Variants in GAS2 observed in about 807,000 individuals in gnomAD.
GAS2 encodes the protein growth arrest specific 2, also known as growth arrest-specific protein 2.
In GAS2, 20 loss-of-function variants were observed where a neutral mutation model predicts 37.5. The observed-to-expected ratio is 0.53, with a 90% CI of 0.37 to 0.77. The LOEUF is 0.77. GAS2 is among the 30% of genes least tolerant of loss of function. The pLI is 0.00. For synonymous variants in GAS2, 144 were observed against 132.2 expected, an observed-to-expected ratio of 1.09 and a Z score of -0.61; for missense variants, 336 against 373.4, an observed-to-expected ratio of 0.90 and a Z score of 0.82.
chr11:22,745,098 T>C (rs1421209710), intron 5 of GAS2, among the ~76,000 whole-genome samples: 2 of 124,128 alleles, frequency 1.6e-5, no homozygotes, highest in African/African-American at 5.7e-5. Context: ...GAAAAAAGTA[T>C]TCTAAAATTC....
At chr11:22,729,660 C>A (rs559543347) in intron 4 of GAS2, among the ~76,000 whole-genome samples, 7 of 149,610 alleles carry the variant, frequency 4.7e-5, no homozygotes, top group African/African-American at 1.7e-4. Context: ...TTATAAAAAT[C>A]CAATTAAGAT....
intron 7 of GAS2, among the ~76,000 whole-genome samples, chr11:22,769,816 A>C (rs770605224): frequency 6.6e-6 from 1 of 152,212 alleles, no homozygotes; most frequent in Non-Finnish European, 1.5e-5. Context: ...CATAAATTAC[A>C]TTTTTTAATT....
intron 3 of GAS2, chr11:22,702,108 G>C: frequency 6.6e-6 from 1 of 152,098 alleles, no homozygotes; most frequent in East Asian, 1.9e-4. Flanking sequence ...GCTTATGTAT[G>C]GACCTATTAC....
In GAS2 at chr11:22,764,147, GT is replaced by G. The variant is rs1290553804; in HGVS notation, c.723+8201del. ...TTGCTGTAAATAATTCAGCTAATGT[GT>G]TTTTTTCTGAGAGTTATCCTTTTTT... On this transcript the variant is annotated intron_variant, in intron 7 of 7. Transcript: ENST00000454584. Among the ~76,000 whole-genome samples the G allele has an allele frequency of 3.3e-5, 5 of 151,908 alleles. No individual in the cohort carries two copies. In the South Asian group the frequency reaches 1.0e-3, roughly 32 times the overall value.
At chr11:22,627,195 G>A (rs1217151711) in intron 1 of GAS2, among the ~76,000 whole-genome samples, 1 of 152,010 alleles carries the variant, frequency 6.6e-6, no homozygotes, top group Non-Finnish European at 1.5e-5. Context: ...CTTTTTCTTG[G>A]CTACTACAAA....
intron 2 of GAS2, among the ~76,000 whole-genome samples, chr11:22,682,093 CA>C (rs948566457): frequency 1.5e-4 from 22 of 150,344 alleles, no homozygotes; most frequent in Admixed American, 3.3e-4. Flanking sequence ...CTGTTTTTGC[CA>C]AAAAAAACTC....
chr11:22,671,052 G>A (rs1221416219), intron 1 of GAS2, among the ~76,000 whole-genome samples: 1 of 152,108 alleles, frequency 6.6e-6, no homozygotes, highest in African/African-American at 2.4e-5. Flanking sequence ...TCAAAACTAT[G>A]ATGTCTTCAG....
At chr11:22,691,245 A>C (rs2133971824) in intron 3 of GAS2, among the ~76,000 whole-genome samples, 1 of 152,304 alleles carries the variant, frequency 6.6e-6, no homozygotes, top group African/African-American at 2.4e-5. Context: ...CTGCAGATAG[A>C]ATGCCTACAA....
chr11:22,723,716 A>G (rs1852053853), intron 3 of GAS2, among the ~76,000 whole-genome samples: 2 of 151,954 alleles, frequency 1.3e-5, no homozygotes, highest in Non-Finnish European at 2.9e-5. Context: ...CGCCAGGGAT[A>G]TAGGTGGTAG....
intron 7 of GAS2, among the ~76,000 whole-genome samples, chr11:22,763,748 G>A (rs79336030): frequency 0.03 from 4,558 of 152,000 alleles, 99 homozygotes; most frequent in Non-Finnish European, 0.048. Flanking sequence ...GGAAAATATG[G>A]CCGTGTTTGC....
intron 7 of GAS2, among the ~76,000 whole-genome samples, chr11:22,786,390 A>G (rs1322209675): frequency 2.6e-5 from 4 of 152,098 alleles, no homozygotes; most frequent in Non-Finnish European, 5.9e-5. Context: ...TGCATATCTC[A>G]TTACCTAACA....
chr11:22,627,161 A>G (rs1290398811), intron 1 of GAS2, among the ~76,000 whole-genome samples: 1 of 152,234 alleles, frequency 6.6e-6, no homozygotes, highest in Admixed American at 6.5e-5. Flanking sequence ...ATTTTATCCT[A>G]AGGATACTAT....
At chr11:22,649,536 C>G (rs1330094112) in intron 1 of GAS2, among the ~76,000 whole-genome samples, 1 of 152,072 alleles carries the variant, frequency 6.6e-6, no homozygotes, top group Non-Finnish European at 1.5e-5. Context: ...GGCTGTGAAT[C>G]CATCTGGTCC....
At position 22,659,690 on chromosome 11, in the gene GAS2, A is replaced by AT. The variant is rs55897725; in HGVS notation, c.-20-15152dup. Among the ~76,000 whole-genome samples, 441 of 152,048 alleles carry AT rather than the reference A, an allele frequency of 2.9e-3. 2 individuals carry two copies. Among genetic ancestry groups the AT allele is most frequent in the African/African-American group, 1.0e-2 (413 of 41,490 alleles). On this transcript the variant is annotated intron_variant, in intron 1 of 5. Transcript: ENST00000528582. ...AGAAACTTATTTCTTTTCAAAAATGATTTTTTTTCTCAAATAATTTTATTA... is the reference window on the plus strand; with the variant it reads ...AGAAACTTATTTCTTTTCAAAAATGATTTTTTTTTCTCAAATAATTTTATTA...
At chr11:22,763,616 T>TAC (rs34715661) in intron 7 of GAS2, among the ~76,000 whole-genome samples, 10,441 of 143,714 alleles carry the variant, frequency 0.073, 332 homozygotes, top group East Asian at 0.13. Context: ...AAAATACACA[T>TAC]ACACACACAC....
intron 7 of GAS2, among the ~76,000 whole-genome samples, chr11:22,785,843 G>A (rs1007270320): frequency 3.0e-5 from 4 of 132,322 alleles, no homozygotes; most frequent in African/African-American, 1.1e-4. Context: ...ACTTTTTTCG[G>A]GGAACTGGCA....
intron 3 of GAS2, among the ~76,000 whole-genome samples, chr11:22,690,072 T>C (rs1850165617): frequency 2.0e-5 from 3 of 152,208 alleles, no homozygotes; most frequent in Admixed American, 6.5e-5. Flanking sequence ...TATCTCCTCA[T>C]TTTCATAGCA....
chr11:22,811,919 C>A lies in GAS2; in HGVS notation c.845C>A (p.Ser282Tyr), dbSNP rs1200429891. ...ATCTCCCGTGTGGATGGCAAAACAT[C>A]CCCTATCCAAAGCAAATCTCCAACT... ...LQISRVDGKTSPIQSKSPTLK... is the reference protein window; with the variant it reads ...LQISRVDGKTYPIQSKSPTLK... The change falls in exon 8 of 8, where the codon TCC becomes TAC. Residue 282 changes from serine (S) to tyrosine (Y), a missense_variant. Physicochemically the swap from Ser to Tyr is moderately radical, Grantham distance 144 (BLOSUM62 -2). Transcript: ENST00000454584. 1 of 1,614,070 alleles carries A rather than the reference C, an allele frequency of 6.2e-7. No homozygotes were observed. Among genetic ancestry groups the A allele is most frequent in the Non-Finnish European group, 8.5e-7 (1 of 1,179,974 alleles).
chr11:22,671,749 T>G (rs1212174317), intron 1 of GAS2, among the ~76,000 whole-genome samples: 1 of 152,134 alleles, frequency 6.6e-6, no homozygotes, highest in Non-Finnish European at 1.5e-5. Context: ...TCCATAGTGA[T>G]CTTTTTATGG....
Sources: allele counts gnomAD v4.1 joint callset (sites outside exome capture counted in the v4.1 genomes callset), GRCh38; gene constraint gnomAD v4.1.1; transcripts MANE v1.5; gene names NCBI Gene and HGNC (gene_info 2026-07-23, HGNC 2026-07-21).